SORCS3: variants seen among roughly 807,000 people sequenced by gnomAD.
SORCS3 encodes the protein sortilin related VPS10 domain containing receptor 3, also known as VPS10 domain-containing receptor SorCS3.
In SORCS3, 57 loss-of-function variants were observed where a neutral mutation model predicts 146.3. The ratio of observed to expected loss-of-function variants is 0.39; its 90% CI spans 0.31 to 0.49. The LOEUF (loss-of-function observed/expected upper bound fraction) is 0.49, where lower values mean the gene tolerates loss of function less well. Among genes scored for constraint, SORCS3 ranks in the 20% least tolerant of loss-of-function variants. SORCS3 has a pLI of 0.92. For synonymous variants in SORCS3, 653 were observed against 618.5 expected (o/e 1.06, Z -0.83); for missense variants, 1,341 against 1,575.5 (o/e 0.85, Z 2.52).
rs889740039 is a variant in SORCS3, at chr10:104,915,890, T to C, written c.753T>C (p.Thr251=). Residue 251 remains threonine (T), a synonymous_variant, in exon 3 of 27, where the codon ACT becomes ACC. Coordinates refer to ENST00000369701, the MANE Select transcript of SORCS3 (RefSeq NM_014978.3). The part of the protein sequence containing the change: ...EKLNDKVGLK[T]VLSYLYVNPT... The stretch of plus-strand genomic sequence containing the variant: ...TGAATGACAAAGTGGGTTTGAAGAC[T>C]GTCCTCAGTTACCTCTATGTCAATC... 11 of 1,614,018 alleles carry C rather than the reference T, an allele frequency of 6.8e-6. No homozygotes were observed.
chr10:104,990,433 A>G (rs1034191260), intron 4 of SORCS3, among the ~76,000 whole-genome samples: 2 of 151,972 alleles, frequency 1.3e-5, no homozygotes, highest in Non-Finnish European at 2.9e-5. Context: ...GCTCCTGGGG[A>G]GACTCTAACC....
At chr10:104,925,377 T>C (rs954658616) in intron 3 of SORCS3, among the ~76,000 whole-genome samples, 3 of 152,188 alleles carry the variant, frequency 2.0e-5, no homozygotes, top group African/African-American at 7.2e-5. Flanking sequence ...AACCACTTAA[T>C]TTTTTTGTCC....
At chr10:105,173,285 C>T (rs2056374458) in intron 13 of SORCS3, among the ~76,000 whole-genome samples, 2 of 152,052 alleles carry the variant, frequency 1.3e-5, no homozygotes, top group Non-Finnish European at 1.5e-5. Flanking sequence ...GTACTCCAGC[C>T]TGGCAACAGA....
chr10:104,691,379 G>T (rs1288915115), intron 1 of SORCS3, among the ~76,000 whole-genome samples: 1 of 152,200 alleles, frequency 6.6e-6, no homozygotes, highest in Non-Finnish European at 1.5e-5. Context: ...TATTAAAAGA[G>T]ACAGACATAG....
chr10:105,141,109 T>C (rs1043690857), intron 8 of SORCS3, among the ~76,000 whole-genome samples: 1 of 152,160 alleles, frequency 6.6e-6, no homozygotes, highest in East Asian at 1.9e-4. Flanking sequence ...CTTTTATGTA[T>C]TTTTAACCTT....
At chr10:105,112,488 C>G (rs1197710766) in intron 7 of SORCS3, among the ~76,000 whole-genome samples, 1 of 152,072 alleles carries the variant, frequency 6.6e-6, no homozygotes, top group African/African-American at 2.4e-5. Flanking sequence ...AAGCAGAAAA[C>G]CCACAGACCA....
intron 1 of SORCS3, among the ~76,000 whole-genome samples, chr10:104,724,335 C>G (rs553351004): frequency 6.6e-6 from 1 of 152,104 alleles, no homozygotes; most frequent in Non-Finnish European, 1.5e-5. Context: ...GAGTTTCTGC[C>G]GAGAGATCAG....
rs74157456 is a variant in SORCS3, at chr10:105,171,116, A to G, written c.1901+3767A>G. On this transcript the variant is annotated intron_variant, in intron 13 of 26. Coordinates refer to ENST00000369701, the MANE Select transcript of SORCS3 (RefSeq NM_014978.3). ...ATGTAGTGGCTCTCAGATTTAAATA[A>G]TAGCTACATCACCTTTAAGAGAAAA... Among the ~76,000 whole-genome samples, 548 of 152,310 alleles carry G rather than the reference A, an allele frequency of 3.6e-3. 3 individuals carry two copies. Among genetic ancestry groups the G allele is most frequent in the African/African-American group, 0.012 (505 of 41,578 alleles).
At chr10:104,911,265 C>T (rs993301572) in intron 2 of SORCS3, among the ~76,000 whole-genome samples, 1 of 152,184 alleles carries the variant, frequency 6.6e-6, no homozygotes, top group African/African-American at 2.4e-5. Context: ...TCCATAGGCT[C>T]CCAGGCTCCC....
intron 3 of SORCS3, among the ~76,000 whole-genome samples, chr10:104,923,196 C>A (rs1306019982): frequency 2.0e-5 from 3 of 152,224 alleles, no homozygotes; most frequent in Non-Finnish European, 4.4e-5. Flanking sequence ...ACCATTTAGA[C>A]AGTGTTTTTC....
At chr10:104,914,312 G>A (rs2019002176) in intron 2 of SORCS3, among the ~76,000 whole-genome samples, 1 of 152,196 alleles carries the variant, frequency 6.6e-6, no homozygotes, top group African/African-American at 2.4e-5. Flanking sequence ...TTAGAGAAGA[G>A]GCATGTACAG....
chr10:105,161,517 AG>A (rs2056262696), intron 11 of SORCS3, among the ~76,000 whole-genome samples: 1 of 152,030 alleles, frequency 6.6e-6, no homozygotes, highest in African/African-American at 2.4e-5. Context: ...CGTGGATAAA[AG>A]TATACCCTGG....
At chr10:104,892,879 T>G (rs2133584316) in intron 2 of SORCS3, among the ~76,000 whole-genome samples, 1 of 152,318 alleles carries the variant, frequency 6.6e-6, no homozygotes, top group South Asian at 2.1e-4. Context: ...GCTCACTGTA[T>G]TTCAGCCTTA....
At chr10:104,818,717 C>G (rs758018118) in intron 1 of SORCS3, among the ~76,000 whole-genome samples, 6 of 152,036 alleles carry the variant, frequency 3.9e-5, no homozygotes, top group Middle Eastern at 3.2e-3. Flanking sequence ...TGGGTTCTGC[C>G]AGCTGAATGT....
At chr10:105,068,032 C>T (rs2055533287) in intron 5 of SORCS3, among the ~76,000 whole-genome samples, 1 of 152,030 alleles carries the variant, frequency 6.6e-6, no homozygotes, top group South Asian at 2.1e-4. Context: ...ACACCCTACT[C>T]TCTCCAGAAT....
chr10:105,076,497 C>T (rs540280331), intron 5 of SORCS3, among the ~76,000 whole-genome samples: 10 of 152,310 alleles, frequency 6.6e-5, no homozygotes, highest in African/African-American at 2.2e-4. Flanking sequence ...TTACCAACCC[C>T]ACCATCCACC....
intron 1 of SORCS3, among the ~76,000 whole-genome samples, chr10:104,709,616 G>A (rs574111448): frequency 4.6e-5 from 7 of 152,258 alleles, no homozygotes; most frequent in Non-Finnish European, 8.8e-5. Flanking sequence ...TTTGACAGAT[G>A]GGGAACTCAG....
At chr10:104,945,924 A>G (rs1032078378) in intron 3 of SORCS3, among the ~76,000 whole-genome samples, 5 of 151,926 alleles carry the variant, frequency 3.3e-5, no homozygotes, top group African/African-American at 1.2e-4. Flanking sequence ...TATTTTTAAG[A>G]CATTTGATAT....
intron 2 of SORCS3, among the ~76,000 whole-genome samples, chr10:104,857,860 C>T (rs1183774282): frequency 1.3e-5 from 2 of 152,162 alleles, no homozygotes; most frequent in African/African-American, 2.4e-5. Flanking sequence ...AAGAAAGTGA[C>T]GTGACTTCTT....
Sources: allele counts gnomAD v4.1 joint callset (sites outside exome capture counted in the v4.1 genomes callset), GRCh38; gene constraint gnomAD v4.1.1; transcripts MANE v1.5; gene names NCBI Gene and HGNC (gene_info 2026-07-23, HGNC 2026-07-21).